Variants in CLNK observed in about 807,000 individuals in gnomAD.
The protein encoded by CLNK is cytokine dependent hematopoietic cell linker.
A neutral mutation model predicts 68.6 loss-of-function variants in CLNK; 74 were observed. The observed-to-expected ratio is 1.08, with a 90% confidence interval of 0.89 to 1.31. The LOEUF (loss-of-function observed/expected upper bound fraction) is 1.31, where lower values mean the gene tolerates loss of function less well. Ranked by LOEUF, CLNK falls within the 50% of genes most tolerant of loss-of-function variation. The pLI is 0.00. For missense variants in CLNK, 553 were observed against 515.3 expected, an observed-to-expected ratio of 1.07 and a Z score of -0.71; for synonymous variants, 198 against 172.2, an observed-to-expected ratio of 1.15 and a Z score of -1.17.
the CLNK span, among the ~76,000 whole-genome samples, chr4:10,715,360 T>C: frequency 1.3e-5 from 2 of 152,204 alleles, no homozygotes; most frequent in Non-Finnish European, 2.9e-5. Flanking sequence ...CCCATCATAA[T>C]AGAACGGATA....
chr4:10,606,856 C>T (rs1721812539), intron 2 of CLNK, among the ~76,000 whole-genome samples: 1 of 152,082 alleles, frequency 6.6e-6, no homozygotes, highest in Non-Finnish European at 1.5e-5. Context: ...CATCATAAAG[C>T]TGTAGTCATT....
intron 2 of CLNK, among the ~76,000 whole-genome samples, chr4:10,615,545 C>CAAAACAA (rs1560243391): frequency 1.3e-5 from 2 of 152,110 alleles, no homozygotes; most frequent in African/African-American, 4.8e-5. Context: ...AAACAAAACA[C>CAAAACAA]CAAGAAAGAA....
chr4:10,620,700 T>C (rs1722403303), intron 2 of CLNK, among the ~76,000 whole-genome samples: 1 of 152,204 alleles, frequency 6.6e-6, no homozygotes, highest in Admixed American at 6.5e-5. Context: ...CTAATTCTCC[T>C]GGTGCTCTGT....
chr4:10,493,738 A>C (rs6820043), intron 18 of CLNK, among the ~76,000 whole-genome samples: 2 of 152,070 alleles, frequency 1.3e-5, no homozygotes, highest in African/African-American at 2.4e-5. Context: ...ATTAATCTCT[A>C]CTACAGCAGG....
At chr4:10,599,066 C>T (rs1333305356) in intron 2 of CLNK, among the ~76,000 whole-genome samples, 1 of 152,238 alleles carries the variant, frequency 6.6e-6, no homozygotes, top group Non-Finnish European at 1.5e-5. Flanking sequence ...CTCACAGACT[C>T]GCTCCTTCAC....
intron 2 of CLNK, among the ~76,000 whole-genome samples, chr4:10,637,903 G>A (rs1370034604): frequency 2.0e-5 from 3 of 151,666 alleles, no homozygotes; most frequent in Non-Finnish European, 4.4e-5. Context: ...TTCTGCGCCC[G>A]GCCCATCATT....
chr4:10,708,204 C>G, the CLNK span, among the ~76,000 whole-genome samples: 1 of 152,166 alleles, frequency 6.6e-6, no homozygotes, highest in Non-Finnish European at 1.5e-5. Context: ...CTTAACCTTT[C>G]AGAGCCCCAG....
At chr4:10,712,405 C>G in the CLNK span, among the ~76,000 whole-genome samples, 3 of 152,222 alleles carry the variant, frequency 2.0e-5, no homozygotes, top group Non-Finnish European at 4.4e-5. Flanking sequence ...CATCTTGCTT[C>G]TAACCTCATT....
chr4:10,640,446 G>A (rs142847844), intron 2 of CLNK, among the ~76,000 whole-genome samples: 272 of 152,342 alleles, frequency 1.8e-3, no homozygotes, highest in African/African-American at 5.8e-3. Flanking sequence ...GATTACAGGC[G>A]TGAGCCATTG....
chr4:10,523,748 G>A (rs908295126), intron 14 of CLNK, among the ~76,000 whole-genome samples: 1 of 152,210 alleles, frequency 6.6e-6, no homozygotes, highest in African/African-American at 2.4e-5. Context: ...AAGGGGGCCA[G>A]GCATGGTGGC....
the CLNK span, among the ~76,000 whole-genome samples, chr4:10,724,752 G>A: frequency 6.6e-6 from 1 of 152,142 alleles, no homozygotes; most frequent in African/African-American, 2.4e-5. Context: ...TCCATAAAAA[G>A]CAGGAGCAGG....
intron 2 of CLNK, among the ~76,000 whole-genome samples, chr4:10,626,553 C>G (rs762455861): frequency 6.6e-6 from 1 of 151,360 alleles, no homozygotes; most frequent in South Asian, 2.1e-4. Flanking sequence ...AATTAACACA[C>G]GAGAAAATTG....
intron 2 of CLNK, among the ~76,000 whole-genome samples, chr4:10,617,542 T>A (rs1722283720): frequency 6.6e-6 from 1 of 152,216 alleles, no homozygotes; most frequent in African/African-American, 2.4e-5. Context: ...ACTAGACACT[T>A]GGTAGTTATG....
intron 3 of CLNK, among the ~76,000 whole-genome samples, chr4:10,590,865 G>T (rs1721156377): frequency 6.6e-6 from 1 of 152,128 alleles, no homozygotes; most frequent in African/African-American, 2.4e-5. Context: ...AGCAATTCTT[G>T]GTGGAAAGCA....
chr4:10,620,761 C>T (rs1325761840), intron 2 of CLNK, among the ~76,000 whole-genome samples: 1 of 152,042 alleles, frequency 6.6e-6, no homozygotes, highest in East Asian at 1.9e-4. Flanking sequence ...TTCTGGCTTG[C>T]TTGACTGCCA....
intron 4 of CLNK, among the ~76,000 whole-genome samples, chr4:10,573,518 G>A (rs1054207281): frequency 2.0e-5 from 3 of 152,244 alleles, no homozygotes; most frequent in African/African-American, 7.2e-5. Context: ...GCCCTTTAGA[G>A]CAGCAATTTG....
rs548513200 is a variant in CLNK, at chr4:10,540,415, T to A, written c.602+79A>T. The A allele has an allele frequency of 4.5e-5, 48 of 1,062,726 alleles. No homozygotes were observed. In the East Asian group the frequency reaches 6.4e-4, roughly 14 times the overall value. 65.8% of individuals were successfully genotyped at this position (1,062,726 alleles called of 1,614,324 possible). On this transcript the variant is annotated intron_variant, in intron 11 of 18. Transcript: ENST00000226951. ...TTAGGGAGCCTGCTCTGAAAGGTAC[T>A]TTGTTTGGTTTCCCTTGTCCCCCTC... is the stretch of plus-strand genomic sequence containing the variant.
At chr4:10,596,077 G>A (rs559790106) in intron 3 of CLNK, among the ~76,000 whole-genome samples, 1 of 152,174 alleles carries the variant, frequency 6.6e-6, no homozygotes, top group Admixed American at 6.5e-5. Flanking sequence ...CCAGGCTGGA[G>A]GGCAATGTCT....
chr4:10,647,389 T>G (rs1217916771), intron 2 of CLNK, among the ~76,000 whole-genome samples: 1 of 152,188 alleles, frequency 6.6e-6, no homozygotes, highest in African/African-American at 2.4e-5. Flanking sequence ...TTTTGAAGTC[T>G]TTGAAGACTG....
Sources: gnomAD v4.1 joint callset for allele counts (sites outside exome capture counted in the v4.1 genomes callset) on GRCh38, gnomAD v4.1.1 for gene constraint, MANE v1.5 for transcripts, NCBI Gene and HGNC (gene_info 2026-07-23, HGNC 2026-07-21) for gene names.